Variants in PLEKHG4B observed in about 807,000 individuals in gnomAD.
PLEKHG4B encodes the protein pleckstrin homology and RhoGEF domain containing G4B, also known as pleckstrin homology domain-containing family G member 4B.
Under a neutral mutation model 121.3 loss-of-function variants are expected in PLEKHG4B, and 111 were observed. That is an observed-to-expected ratio of 0.92 (90% confidence interval 0.78 to 1.07). The LOEUF is 1.07. Ranked by LOEUF, PLEKHG4B falls within the 50% of genes least tolerant of loss-of-function variation. PLEKHG4B has a pLI of 0.00. For synonymous variants in PLEKHG4B, 738 were observed against 725.0 expected (o/e 1.02, Z -0.29); for missense variants, 1,831 against 1,757.8 (o/e 1.04, Z -0.74).
At chr5:143,642 A>G in intron 5 of PLEKHG4B, 139 bp downstream of exon 5, 8 of 1,065,964 alleles carry the variant, frequency 7.5e-6, no homozygotes, top group Non-Finnish European at 1.1e-5. Flanking sequence ...CAGAGCAGTC[A>G]GCACCCATGT....
intron 7 of PLEKHG4B, among the ~76,000 whole-genome samples, chr5:154,475 G>A (rs1237625654): frequency 6.6e-6 from 1 of 152,150 alleles, no homozygotes; most frequent in Admixed American, 6.5e-5. Flanking sequence ...CCCCAACAAT[G>A]AGCCTGACTT....
At chr5:174,691 T>C (rs1041322344) in intron 18 of PLEKHG4B, among the ~76,000 whole-genome samples, 3 of 152,102 alleles carry the variant, frequency 2.0e-5, no homozygotes, top group African/African-American at 7.2e-5. Context: ...TGCACAGTTA[T>C]AGCAGTTTGG....
Position 186,300 on chromosome 5 carries a change from C to T in PLEKHG4B, c.*3977C>T, listed in dbSNP as rs1733621333. ...ATTTCCAGAAGGCAGGGTTAGGAAA[C>T]ACCTGTTTCCAGGCAGAGTAATGCT... is the stretch of plus-strand genomic sequence containing the variant. On this transcript the variant is annotated 3_prime_UTR_variant, in exon 20 of 20. Coordinates refer to ENST00000637938, the MANE Select transcript of PLEKHG4B (RefSeq NM_052909.5). 6.6e-6 allele frequency: 1 copy of T among 152,238 alleles called. No individual in the cohort carries two copies. The highest frequency in any genetic ancestry group is 1.9e-4 in the East Asian group (1 of 5,192). 9.4% of individuals were successfully genotyped at this position (152,238 alleles called of 1,614,324 possible).
At chr5:115,731 T>G (rs1381167351) in intron 2 of PLEKHG4B, among the ~76,000 whole-genome samples, 2 of 152,220 alleles carry the variant, frequency 1.3e-5, no homozygotes, top group Non-Finnish European at 2.9e-5. Context: ...CCTCATGAAC[T>G]CACCTCTGTT....
chr5:180,704 C>T (rs1736905035), intron 18 of PLEKHG4B, among the ~76,000 whole-genome samples: 1 of 152,230 alleles, frequency 6.6e-6, no homozygotes, highest in Admixed American at 6.5e-5. Flanking sequence ...CGTCCACGTG[C>T]ACAGCTCTAA....
chr5:126,233 G>A (rs1422449977), intron 2 of PLEKHG4B, among the ~76,000 whole-genome samples: 2 of 152,138 alleles, frequency 1.3e-5, no homozygotes, highest in Non-Finnish European at 2.9e-5. Context: ...TATGCTGGCT[G>A]CTCGATGGTA....
chr5:106,536 A>G (rs1370533087), intron 1 of PLEKHG4B, among the ~76,000 whole-genome samples: 1 of 152,234 alleles, frequency 6.6e-6, no homozygotes, highest in East Asian at 1.9e-4. Flanking sequence ...TGGCCGATTT[A>G]ACGAACATGT....
At chr5:131,612 C>G (rs1734781062) in intron 2 of PLEKHG4B, among the ~76,000 whole-genome samples, 1 of 152,114 alleles carries the variant, frequency 6.6e-6, no homozygotes, top group African/African-American at 2.4e-5. Context: ...GATTTATAAT[C>G]CTTTGGGTAT....
At chr5:97,123 A>G (rs1211166625) in intron 1 of PLEKHG4B, among the ~76,000 whole-genome samples, 2 of 151,830 alleles carry the variant, frequency 1.3e-5, no homozygotes, top group Admixed American at 6.6e-5. Flanking sequence ...CTTACCTGTC[A>G]TTCAGGCTTC....
chr5:177,893 T>C (rs1480745545), intron 18 of PLEKHG4B, among the ~76,000 whole-genome samples: 1 of 152,070 alleles, frequency 6.6e-6, no homozygotes, highest in South Asian at 2.1e-4. Context: ...CCCTTTTCTG[T>C]TGGGGGAACG....
chr5:148,088 T>C (rs1446849547), intron 6 of PLEKHG4B, among the ~76,000 whole-genome samples: 1 of 151,994 alleles, frequency 6.6e-6, no homozygotes, highest in Non-Finnish European at 1.5e-5. Context: ...CTCAACATAA[T>C]AAAAGTTATA....
intron 1 of PLEKHG4B, among the ~76,000 whole-genome samples, chr5:97,514 A>C (rs996142604): frequency 1.3e-5 from 2 of 152,236 alleles, no homozygotes; most frequent in Admixed American, 1.3e-4. Context: ...GGATTTATCT[A>C]TTCCGGACAT....
chr5:165,369 G>A (rs29678), intron 13 of PLEKHG4B, among the ~76,000 whole-genome samples: 1 of 29,362 alleles, frequency 3.4e-5, no homozygotes, highest in African/African-American at 1.5e-4. Context: ...GACGGGGCGG[G>A]GCTCACAGTA....
chr5:94,417 G>C (rs1336923296), intron 1 of PLEKHG4B, among the ~76,000 whole-genome samples: 1 of 151,090 alleles, frequency 6.6e-6, no homozygotes, highest in Non-Finnish European at 1.5e-5. Flanking sequence ...TCTGACCCGA[G>C]ACCCCAACGT....
chr5:152,624 C>T (rs1282640306), intron 7 of PLEKHG4B, among the ~76,000 whole-genome samples: 1 of 151,844 alleles, frequency 6.6e-6, no homozygotes. Context: ...TAACTTTTTT[C>T]CTCTCTAGTC....
chr5:157,948 A>G lies in PLEKHG4B; in HGVS notation c.2487+1037A>G, dbSNP rs991108884. Among the ~76,000 whole-genome samples the G allele has an allele frequency of 6.6e-6, 1 of 152,166 alleles. No homozygotes were observed. Among genetic ancestry groups the G allele is most frequent in the African/African-American group, 2.4e-5 (1 of 41,438 alleles). Reference sequence around the variant, plus strand: ...CGGGGGCCTCCAGACAAAGACGTGCAGCAGGGACGCGAGGCACTGTGCATG... The same window carrying G: ...CGGGGGCCTCCAGACAAAGACGTGCGGCAGGGACGCGAGGCACTGTGCATG... On this transcript the variant is annotated intron_variant, in intron 11 of 19. Transcript: ENST00000637938. The surrounding 1 kb of genome is among the most constrained non-coding windows in gnomAD (Gnocchi z 4.6).
intron 1 of PLEKHG4B, among the ~76,000 whole-genome samples, chr5:98,666 G>T (rs1733701628): frequency 7.0e-6 from 1 of 142,684 alleles, no homozygotes; most frequent in African/African-American, 2.6e-5. Flanking sequence ...TAGAGAAGGG[G>T]TTTCACCGTG....
intron 2 of PLEKHG4B, among the ~76,000 whole-genome samples, chr5:135,678 AAAAAATATATATATATATATAT>A (rs1192199761): frequency 5.0e-4 from 26 of 51,700 alleles, no homozygotes; most frequent in South Asian, 1.1e-3. Flanking sequence ...AAAAAAAAAA[AAAAAATATATATATATATATAT>A]ATATATATAT....
At chr5:161,452 C>CA (rs1735997038) in intron 11 of PLEKHG4B, among the ~76,000 whole-genome samples, 1 of 152,266 alleles carries the variant, frequency 6.6e-6, no homozygotes, top group Admixed American at 6.5e-5. Context: ...GGTGGTTACG[C>CA]AGCCAGGCTG....
Sources: allele counts gnomAD v4.1 joint callset (sites outside exome capture counted in the v4.1 genomes callset), GRCh38; gene constraint gnomAD v4.1.1; non-coding constraint Gnocchi (gnomAD v3.1); transcripts MANE v1.5; gene names NCBI Gene and HGNC (gene_info 2026-07-23, HGNC 2026-07-21).